Variants in MAP3K9 observed in about 807,000 individuals in gnomAD.
MAP3K9 encodes mixed lineage kinase 1 (tyr and ser/thr specificity).
MAP3K9 carries 46 observed loss-of-function variants against 95.8 expected under a neutral mutation model. The observed-to-expected ratio is 0.48, with a 90% CI of 0.38 to 0.61. MAP3K9 has a LOEUF of 0.61. MAP3K9 is among the 20% of genes least tolerant of loss of function. MAP3K9 has a pLI of 0.00. For synonymous variants in MAP3K9, 533 were observed against 593.8 expected (o/e 0.90, Z 1.49); for missense variants, 1,296 against 1,474.3 (o/e 0.88, Z 1.98).
At chr14:70,738,643 G>A (rs2054019991) in intron 7 of MAP3K9, among the ~76,000 whole-genome samples, 1 of 152,184 alleles carries the variant, frequency 6.6e-6, no homozygotes, top group Non-Finnish European at 1.5e-5. Context: ...CCAATGTAAA[G>A]CTAGAGCTTA....
intron 2 of MAP3K9, among the ~76,000 whole-genome samples, chr14:70,770,972 T>C (rs79654966): frequency 0.012 from 1,820 of 152,258 alleles, 47 homozygotes; most frequent in African/African-American, 0.042. Flanking sequence ...CAGTAACTCT[T>C]GTTTTACCCT....
At chr14:70,806,161 T>C (rs184448175) in intron 1 of MAP3K9, among the ~76,000 whole-genome samples, 1 of 152,326 alleles carries the variant, frequency 6.6e-6, no homozygotes, top group African/African-American at 2.4e-5. Context: ...ACAAGGTTTG[T>C]CAATCGTCTT....
Position 70,745,052 on chromosome 14 carries a change from C to T in MAP3K9, c.1327-2461G>A, listed in dbSNP as rs555757778. Among the ~76,000 whole-genome samples the T allele has an allele frequency of 1.2e-4, 19 of 152,208 alleles. No homozygotes were observed. The East Asian group carries it at 1.9e-3, about 15-fold the overall frequency. ...CAGGAAAGAAAACAAAGCATGCCTACAAAATTTTTAAATCTAGATTTTAAA... is the reference window on the plus strand; with the variant it reads ...CAGGAAAGAAAACAAAGCATGCCTATAAAATTTTTAAATCTAGATTTTAAA... On this transcript the variant is annotated intron_variant, in intron 5 of 11. Coordinates refer to ENST00000554752, the MANE Select transcript of MAP3K9 (RefSeq NM_001284230.2).
intron 2 of MAP3K9, among the ~76,000 whole-genome samples, chr14:70,785,145 G>A (rs2054730897): frequency 6.6e-6 from 1 of 152,150 alleles, no homozygotes; most frequent in African/African-American, 2.4e-5. Context: ...TCTTGGGCAG[G>A]GCATTGTTAA....
intron 2 of MAP3K9, among the ~76,000 whole-genome samples, chr14:70,798,518 G>A (rs1424624366): frequency 7.4e-5 from 8 of 107,692 alleles, no homozygotes; most frequent in East Asian, 2.6e-4. Context: ...TCGCTCTGTC[G>A]CCCAGGCTGG....
At chr14:70,772,566 G>A (rs1220772692) in intron 2 of MAP3K9, among the ~76,000 whole-genome samples, 2 of 151,994 alleles carry the variant, frequency 1.3e-5, no homozygotes, top group Non-Finnish European at 1.5e-5. Context: ...ATCAGTTTAG[G>A]TACTGGTCCC....
rs780929648 is a variant in MAP3K9, at chr14:70,730,775, G to A, written c.2920C>T (p.Arg974Cys). 38 of 1,613,532 alleles carry A rather than the reference G, an allele frequency of 2.4e-5. No individual in the cohort carries two copies. Among genetic ancestry groups the A allele is most frequent in the African/African-American group, 1.5e-4 (11 of 74,830 alleles). Residue 974 changes from arginine (R) to cysteine (C), a missense_variant, in exon 12 of 12, where the codon CGC (arginine) becomes TGC (cysteine). Transcript: ENST00000554752. The part of the protein sequence containing the change: ...PNVVFPPTPR[R>C]WNTQQDSTLE... ...GTAGAGTCCTGCTGAGTGTTCCAGC[G>A]CCTTGGGGTTGGGGGGAAGACCACA...
At chr14:70,770,497 T>G (rs2054516608) in intron 2 of MAP3K9, among the ~76,000 whole-genome samples, 1 of 152,082 alleles carries the variant, frequency 6.6e-6, no homozygotes, top group Non-Finnish European at 1.5e-5. Flanking sequence ...ATTTTCTGTT[T>G]CTAAATTCAC....
chr14:70,794,454 A>G (rs1225941785), intron 2 of MAP3K9, among the ~76,000 whole-genome samples: 1 of 152,194 alleles, frequency 6.6e-6, no homozygotes, highest in African/African-American at 2.4e-5. Flanking sequence ...ACAGAACAAC[A>G]ATGAAATACC....
At chr14:70,733,980 C>T (rs1216655145) in intron 10 of MAP3K9, among the ~76,000 whole-genome samples, 3 of 152,218 alleles carry the variant, frequency 2.0e-5, no homozygotes, top group Admixed American at 6.5e-5. Flanking sequence ...AGGCCTCAGA[C>T]TGGGAGCTGC....
chr14:70,741,398 A>C (rs1399679983), intron 6 of MAP3K9, among the ~76,000 whole-genome samples: 2 of 152,150 alleles, frequency 1.3e-5, no homozygotes, highest in Non-Finnish European at 2.9e-5. Flanking sequence ...CCTGTTCCTT[A>C]CACTTCTAAT....
intron 3 of MAP3K9, among the ~76,000 whole-genome samples, chr14:70,755,593 A>G (rs777394483): frequency 5.9e-5 from 9 of 152,246 alleles, no homozygotes; most frequent in Non-Finnish European, 1.0e-4. Flanking sequence ...AGGTGGTAAC[A>G]ACTGTTACCA....
rs1566725105 is a variant in MAP3K9, at chr14:70,730,320, C to A, written c.*60G>T. On this transcript the variant is annotated 3_prime_UTR_variant, in exon 12 of 12. Coordinates refer to ENST00000554752, the MANE Select transcript of MAP3K9 (RefSeq NM_001284230.2). ...GGTCCAACCCTGAGAAAGGGCTGTG[C>A]CCGCCAGCTCCCCTCATCTCCGCTG... is the stretch of plus-strand genomic sequence containing the variant. 1 of 1,553,288 alleles carries A rather than the reference C, an allele frequency of 6.4e-7. No individual in the cohort carries two copies. The highest frequency in any genetic ancestry group is 2.3e-5 in the East Asian group (1 of 44,140).
intron 1 of MAP3K9, among the ~76,000 whole-genome samples, chr14:70,801,521 G>T (rs1341612215): frequency 6.6e-6 from 1 of 152,178 alleles, no homozygotes; most frequent in African/African-American, 2.4e-5. Context: ...CAAAGTGCTG[G>T]GATTACAGGC....
intron 6 of MAP3K9, among the ~76,000 whole-genome samples, chr14:70,741,096 CT>C (rs796752311): frequency 1.6e-4 from 24 of 147,724 alleles, no homozygotes; most frequent in Admixed American, 2.0e-4. Flanking sequence ...GTTCCTTACA[CT>C]TTTTTTTTTT....
At chr14:70,755,316 A>T (rs1303995815) in intron 3 of MAP3K9, among the ~76,000 whole-genome samples, 1 of 152,230 alleles carries the variant, frequency 6.6e-6, no homozygotes, top group Admixed American at 6.5e-5. Context: ...TGGGCTGATC[A>T]TTCAGAAGAG....
chr14:70,792,295 T>C (rs1429534278), intron 2 of MAP3K9, among the ~76,000 whole-genome samples: 1 of 152,006 alleles, frequency 6.6e-6, no homozygotes, highest in Non-Finnish European at 1.5e-5. Flanking sequence ...AACACATCCA[T>C]CATCCTCCAA....
Position 70,730,157 on chromosome 14 carries a change from G to T in MAP3K9, c.*223C>A. The T allele has an allele frequency of 1.7e-6, 1 of 597,068 alleles. No individual in the cohort carries two copies. The highest frequency in any genetic ancestry group is 2.9e-6 in the Non-Finnish European group (1 of 349,156). The allele number at this position is 597,068 out of a possible 1,614,324, so 37.0% of individuals were successfully genotyped here. ...CCCCTTCCTCCCCTACACAGCCAGA[G>T]CTGATGGCCACAGCCCCTCCAGTGG... On this transcript the variant is annotated 3_prime_UTR_variant, in exon 12 of 12. Transcript: ENST00000554752.
chr14:70,792,273 G>A (rs2054815534), intron 2 of MAP3K9, among the ~76,000 whole-genome samples: 2 of 152,142 alleles, frequency 1.3e-5, no homozygotes, highest in South Asian at 4.1e-4. Context: ...TTTTGCCTGG[G>A]AAAATCCTCA....
Sources: allele counts gnomAD v4.1 joint callset (sites outside exome capture counted in the v4.1 genomes callset), GRCh38; gene constraint gnomAD v4.1.1; transcripts MANE v1.5; gene names NCBI Gene and HGNC (gene_info 2026-07-23, HGNC 2026-07-21).